The following MTMR7 variants were observed in gnomAD, a reference collection of about 807,000 sequenced individuals.
MTMR7 encodes the protein myotubularin related protein 7.
Under a neutral mutation model 81.2 loss-of-function variants are expected in MTMR7, and 76 were observed. The ratio of observed to expected loss-of-function variants is 0.94; its 90% CI spans 0.78 to 1.13. The LOEUF is 1.13. Ranked by LOEUF, MTMR7 falls within the 50% of genes most tolerant of loss-of-function variation. The pLI is 0.00. For missense variants in MTMR7, 1,044 were observed against 820.0 expected (o/e 1.27, Z -3.34); for synonymous variants, 372 against 289.8 (o/e 1.28, Z -2.88).
At chr8:17,320,398 AG>A (rs1232085216) in intron 7 of MTMR7, among the ~76,000 whole-genome samples, 1 of 152,062 alleles carries the variant, frequency 6.6e-6, no homozygotes, top group African/African-American at 2.4e-5. Flanking sequence ...GGTGTGGTAA[AG>A]GGTATGTTTT....
At chr8:17,362,259 G>C (rs1004758662) in intron 3 of MTMR7, among the ~76,000 whole-genome samples, 16 of 152,074 alleles carry the variant, frequency 1.1e-4, no homozygotes, top group African/African-American at 4.8e-5. Context: ...GATACATTTT[G>C]TTTTGTGCTG....
chr8:17,404,059 T>G (rs11203852), intron 1 of MTMR7, among the ~76,000 whole-genome samples: 90,873 of 152,002 alleles, frequency 0.6, 27,586 homozygotes, highest in East Asian at 0.76. Context: ...AGATGCTTTC[T>G]GTGTGAGGAG....
At chr8:17,320,772 A>G (rs547286161) in intron 7 of MTMR7, among the ~76,000 whole-genome samples, 4 of 152,282 alleles carry the variant, frequency 2.6e-5, no homozygotes, top group African/African-American at 7.2e-5. Flanking sequence ...ACTTCTGCCT[A>G]TGCACGCGGC....
Position 17,405,868 on chromosome 8 carries a change from ACACACACACACC to A in MTMR7, c.24+7389_24+7400del, listed in dbSNP as rs748921785. 9.5e-3 allele frequency among the ~76,000 whole-genome samples: 987 copies of A among 103,946 alleles called. 12 individuals are homozygous for A. Among genetic ancestry groups the A allele is most frequent in the East Asian group, 0.023 (91 of 4,014 alleles). 68.2% of individuals were successfully genotyped at this position (103,946 alleles called of 152,430 possible). A position where few individuals can be genotyped will look rare whatever the true frequency, so the allele number is the denominator to read the frequency against. On this transcript the variant is annotated intron_variant, in intron 1 of 13. Coordinates refer to ENST00000180173, the MANE Select transcript of MTMR7 (RefSeq NM_004686.5). ...CACACACACACACACACACACACACACACACACACACCACAGAGAAAATGGACATGATTTTCT... is the reference window on the plus strand; with the variant it reads ...CACACACACACACACACACACACACAACAGAGAAAATGGACATGATTTTCT...
chr8:17,325,463 G>A (rs1300865551), intron 7 of MTMR7, among the ~76,000 whole-genome samples: 3 of 152,200 alleles, frequency 2.0e-5, no homozygotes, highest in Admixed American at 6.5e-5. Context: ...TCATGTCAGG[G>A]AACATTTTTT....
rs73557522 is a variant in MTMR7, at chr8:17,341,604, A to G, written c.598-107T>C. 7,337 of 1,352,598 alleles carry G rather than the reference A, an allele frequency of 5.4e-3. 346 individuals are homozygous for G. In the African/African-American group the frequency reaches 0.097, roughly 18 times the overall value. The allele number at this position is 1,352,598 out of a possible 1,614,324, so 83.8% of individuals were successfully genotyped here. A position where few individuals can be genotyped will look rare whatever the true frequency, so the allele number is the denominator to read the frequency against. On this transcript the variant is annotated intron_variant, in intron 5 of 13. Transcript: ENST00000180173. ...AGAGCCCTTGGCTCACTGATAGTCC[A>G]CCTCGGCTTATGAAAACGTGATACA...
intron 1 of MTMR7, among the ~76,000 whole-genome samples, chr8:17,403,470 G>A (rs1821486502): frequency 6.6e-6 from 1 of 152,094 alleles, no homozygotes; most frequent in Non-Finnish European, 1.5e-5. Flanking sequence ...TACTGTTTTG[G>A]TTACGGTAGC....
intron 2 of MTMR7, among the ~76,000 whole-genome samples, chr8:17,371,648 T>C (rs1379423227): frequency 6.6e-6 from 1 of 152,176 alleles, no homozygotes; most frequent in Non-Finnish European, 1.5e-5. Flanking sequence ...TGTATCAACA[T>C]GGGATTGTTG....
chr8:17,368,866 C>T (rs1820319279), intron 3 of MTMR7, among the ~76,000 whole-genome samples: 1 of 152,288 alleles, frequency 6.6e-6, no homozygotes, highest in East Asian at 1.9e-4. Context: ...GAAAAGGTAG[C>T]CAGTCAGATC....
At chr8:17,341,010 G>C (rs1171696107) in intron 6 of MTMR7, among the ~76,000 whole-genome samples, 11 of 152,228 alleles carry the variant, frequency 7.2e-5, no homozygotes, top group Admixed American at 7.2e-4. Context: ...GCTCCAGAGT[G>C]AATTTTATTG....
intron 7 of MTMR7, among the ~76,000 whole-genome samples, chr8:17,327,108 G>C (rs1273487922): frequency 6.6e-6 from 1 of 152,160 alleles, no homozygotes; most frequent in Admixed American, 6.5e-5. Context: ...ATTCTCCCAT[G>C]TTAGTACATA....
At chr8:17,344,681 G>A (rs997272618) in intron 5 of MTMR7, among the ~76,000 whole-genome samples, 8 of 152,068 alleles carry the variant, frequency 5.3e-5, no homozygotes, top group Admixed American at 6.5e-5. Flanking sequence ...GTATGATGTT[G>A]GGTAATTTAT....
chr8:17,377,826 G>T (rs1347005132), intron 1 of MTMR7, among the ~76,000 whole-genome samples: 1 of 151,816 alleles, frequency 6.6e-6, no homozygotes, highest in Non-Finnish European at 1.5e-5. Flanking sequence ...CATATGGTTG[G>T]GATATTTTAC....
At chr8:17,305,330 T>C (rs141020604) in intron 11 of MTMR7, among the ~76,000 whole-genome samples, 2 of 152,330 alleles carry the variant, frequency 1.3e-5, no homozygotes, top group African/African-American at 4.8e-5. Context: ...TTTATCTACT[T>C]TTACCCTTGG....
chr8:17,366,433 A>C (rs1222621752), intron 3 of MTMR7, among the ~76,000 whole-genome samples: 4 of 152,208 alleles, frequency 2.6e-5, no homozygotes, highest in African/African-American at 9.6e-5. Flanking sequence ...AAAAACAAAC[A>C]TGAATCAGCA....
chr8:17,372,888 G>T, intron 2 of MTMR7: 1 of 459,286 alleles, frequency 2.2e-6, no homozygotes, highest in Non-Finnish European at 3.9e-6. Context: ...CTTCTGGCTA[G>T]TTCTAAGTCT....
At chr8:17,388,899 T>C (rs2150576510) in intron 1 of MTMR7, among the ~76,000 whole-genome samples, 1 of 152,310 alleles carries the variant, frequency 6.6e-6, no homozygotes, top group South Asian at 2.1e-4. Context: ...AAGGACAGAC[T>C]GCATAATTGG....
At chr8:17,323,070 C>A (rs1460178185) in intron 7 of MTMR7, among the ~76,000 whole-genome samples, 3 of 151,338 alleles carry the variant, frequency 2.0e-5, no homozygotes, top group Non-Finnish European at 2.9e-5. Flanking sequence ...GCCTCAGCCT[C>A]CTGAGTAGCT....
At chr8:17,375,841 T>C (rs555302120) in intron 1 of MTMR7, among the ~76,000 whole-genome samples, 2 of 152,332 alleles carry the variant, frequency 1.3e-5, no homozygotes, top group African/African-American at 4.8e-5. Context: ...AGAGTAACTA[T>C]AAATAGCATG....
Sources: allele counts gnomAD v4.1 joint callset (sites outside exome capture counted in the v4.1 genomes callset), GRCh38; gene constraint gnomAD v4.1.1; transcripts MANE v1.5; gene names NCBI Gene and HGNC (gene_info 2026-07-23, HGNC 2026-07-21).